Variants in F7 observed in about 807,000 individuals in gnomAD.
F7 encodes FVII coagulation protein.
Under a neutral mutation model 47.5 loss-of-function variants are expected in F7, and 38 were observed. That is an observed-to-expected ratio of 0.80 (90% CI 0.62 to 1.05). The LOEUF (loss-of-function observed/expected upper bound fraction) is 1.05. F7 is among the 50% of genes least tolerant of loss of function. The pLI is 0.00. For synonymous variants in F7, 244 were observed against 258.5 expected (o/e 0.94, Z 0.54); for missense variants, 575 against 605.4 (o/e 0.95, Z 0.53).
intron 5 of F7, among the ~76,000 whole-genome samples, chr13:113,116,348 A>G (rs187527219): frequency 7.5e-4 from 114 of 152,350 alleles, no homozygotes; most frequent in Admixed American, 5.3e-3. Context: ...TTTCTGGCCC[A>G]AGACCTTGAT....
At chr13:113,110,987 C>CGG in intron 2 of F7, 137 bp downstream of exon 2, 1 of 1,034,018 alleles carries the variant, frequency 9.7e-7, no homozygotes, top group African/African-American at 1.7e-5. Context: ...GCGCTTTCTG[C>CGG]GGGGGTCGCT....
Position 113,118,436 on chromosome 13 carries a change from G to T in F7, c.763G>T (p.Asp255Tyr), listed in dbSNP as rs550074221. 1.2e-6 allele frequency: 2 copies of T among 1,602,458 alleles called. No homozygotes were observed. Among genetic ancestry groups the T allele is most frequent in the Middle Eastern group, 1.7e-4 (1 of 6,042 alleles). The change falls in exon 8 of 8, where the codon GAC (aspartate) becomes TAC (tyrosine). Residue 255 changes from aspartate (D) to tyrosine (Y), a missense_variant. Asp to Tyr is a radical substitution (Grantham distance 160). Transcript: ENST00000346342. ...VLGEHDLSEHDGDEQSRRVAQ... is the reference protein window; with the variant it reads ...VLGEHDLSEHYGDEQSRRVAQ... ...AGGCGAGCACGACCTCAGCGAGCAC[G>T]ACGGGGATGAGCAGAGCCGGCGGGT... is the stretch of plus-strand genomic sequence containing the variant.
At chr13:113,106,899 G>T in intron 1 of F7, 1 of 1,605,396 alleles carries the variant, frequency 6.2e-7, no homozygotes, top group Non-Finnish European at 8.5e-7. Flanking sequence ...TGGAAGCCGG[G>T]GCCTCACAGA....
In F7 at chr13:113,120,047, A is replaced by G. The variant is rs2036277147; in HGVS notation, c.*1039A>G. 6.6e-6 allele frequency: 1 copy of G among 152,152 alleles called. No individual in the cohort carries two copies. The highest frequency in any genetic ancestry group is 2.1e-4 in the South Asian group (1 of 4,824). The allele number at this position is 152,152 out of a possible 1,614,324, so 9.4% of individuals were successfully genotyped here. On this transcript the variant is annotated 3_prime_UTR_variant, in exon 8 of 8. Transcript: ENST00000346342. The stretch of plus-strand genomic sequence containing the variant: ...CCTGCCACCCACTGGGTTGCCCATG[A>G]TTCATTTTTGGAGCCCCCGGTGCTC...
Position 113,118,861 on chromosome 13 carries a change from G to A in F7, c.1188G>A (p.Leu396=). The A allele has an allele frequency of 6.2e-7, 1 of 1,612,790 alleles. No individual in the cohort carries two copies. Among genetic ancestry groups the A allele is most frequent in the South Asian group, 1.1e-5 (1 of 91,060 alleles). The stretch of plus-strand genomic sequence containing the variant: ...CCCACTACCGGGGCACGTGGTACCT[G>A]ACGGGCATCGTCAGCTGGGGCCAGG... The part of the protein sequence containing the change: ...HATHYRGTWY[L]TGIVSWGQGC... The change falls in exon 8 of 8, where the codon CTG becomes CTA. Residue 396 remains leucine, a synonymous_variant. Transcript: ENST00000346342.
chr13:113,110,097 A>G (rs2036060092), intron 1 of F7, among the ~76,000 whole-genome samples: 1 of 151,894 alleles, frequency 6.6e-6, no homozygotes, highest in African/African-American at 2.4e-5. Context: ...CGGGGGACAG[A>G]GGGGCCCCAA....
rs2036254843 is a variant in F7, at chr13:113,119,095, G to T, written c.*87G>T. ...TCCCATATATTCTTCTGCAGTTAAT[G>T]GGGTAGAGGAGGGCATGGGAGGGAG... On this transcript the variant is annotated 3_prime_UTR_variant, in exon 8 of 8. Coordinates refer to ENST00000346342, the MANE Select transcript of F7 (RefSeq NM_019616.4). 1.6e-6 allele frequency: 2 copies of T among 1,250,198 alleles called. No homozygotes were observed. The highest frequency in any genetic ancestry group is 4.9e-5 in the East Asian group (2 of 41,096). The allele number at this position is 1,250,198 out of a possible 1,614,324, so 77.4% of individuals were successfully genotyped here.
chr13:113,110,178 GGGGGAGCC>G (rs2036061655), intron 1 of F7, among the ~76,000 whole-genome samples: 1 of 152,146 alleles, frequency 6.6e-6, no homozygotes, highest in Non-Finnish European at 1.5e-5. Flanking sequence ...GCTCGCTGTC[GGGGGAGCC>G]GGGCAGGGGC....
chr13:113,106,703 G>A lies in F7; in HGVS notation c.64+798G>A, dbSNP rs1293029731. The A allele has an allele frequency of 5.1e-5, 36 of 709,522 alleles. No homozygotes were observed. In the African/African-American group the frequency reaches 5.2e-4, roughly 10 times the overall value. 44.0% of individuals were successfully genotyped at this position (709,522 alleles called of 1,614,324 possible). A position where few individuals can be genotyped will look rare whatever the true frequency, so the allele number is the denominator to read the frequency against. ...GGGGATGGCGAGTAGGGGGTGTGGCGTGAGGATGGCTAGTGGGGCGTGGGG... is the reference window on the plus strand; with the variant it reads ...GGGGATGGCGAGTAGGGGGTGTGGCATGAGGATGGCTAGTGGGGCGTGGGG... On this transcript the variant is annotated intron_variant, in intron 1 of 7. Transcript: ENST00000346342.
At position 113,118,654 on chromosome 13, in the gene F7, C is replaced by T. The variant is rs574630461; in HGVS notation, c.981C>T (p.Asp327=). The change falls in exon 8 of 8, where the codon GAC becomes GAT. Residue 327 remains aspartate (D), a synonymous_variant. Transcript: ENST00000346342. ...SLVSGWGQLL[D]RGATALELMV... is the part of the protein sequence containing the mutation. ...TCAGCGGCTGGGGCCAGCTGCTGGA[C>T]CGTGGCGCCACGGCCCTGGAGCTCA... 4.3e-6 allele frequency: 7 copies of T among 1,612,738 alleles called. No individual in the cohort carries two copies. The highest frequency in any genetic ancestry group is 2.2e-5 in the South Asian group (2 of 91,070).
intron 5 of F7, 121 bp downstream of exon 5, chr13:113,115,921 G>T: frequency 7.2e-7 from 1 of 1,395,832 alleles, no homozygotes. Context: ...ACTATGCACT[G>T]ACCAATTGTG....
In F7 at chr13:113,110,695, G is replaced by C; in HGVS notation, c.70G>C (p.Val24Leu). ...ACGGAACTCGCATTTCCCAGTCTTC[G>C]TAACCCAGGAGGAAGCCCACGGCGT... ...GLQGCLAAVFVTQEEAHGVLH... is the reference protein window; with the variant it reads ...GLQGCLAAVFLTQEEAHGVLH... The change falls in exon 2 of 8, where the codon GTA becomes CTA. Residue 24 changes from valine (V) to leucine (L), a missense_variant. Physicochemically the swap from Val to Leu is conservative, Grantham distance 32. Transcript: ENST00000346342. The C allele has an allele frequency of 6.5e-7, 1 of 1,548,358 alleles. No individual in the cohort carries two copies. The highest frequency in any genetic ancestry group is 8.7e-7 in the Non-Finnish European group (1 of 1,146,440).
intron 2 of F7, among the ~76,000 whole-genome samples, chr13:113,111,731 A>ACACT (rs752729839): frequency 6.4e-5 from 2 of 31,378 alleles, no homozygotes; most frequent in African/African-American, 3.2e-4. Context: ...AGGACACCTC[A>ACACT]CACAGGGCAC....
chr13:113,117,140 C>CGGT, intron 6 of F7: 1 of 609,868 alleles, frequency 1.6e-6, no homozygotes, highest in Non-Finnish European at 2.9e-6. Flanking sequence ...GTCGTCCTCA[C>CGGT]GGTTACTCTT....
chr13:113,118,245 G>T (rs2036231241), intron 7 of F7, among the ~76,000 whole-genome samples, 168 bp from the exon 8 acceptor site: 1 of 152,224 alleles, frequency 6.6e-6, no homozygotes, highest in Non-Finnish European at 1.5e-5. Context: ...GCCACAGGCT[G>T]CCACCTGGGG....
chr13:113,106,563 GCA>G (rs2035960961), intron 1 of F7, among the ~76,000 whole-genome samples: 1 of 55,464 alleles, frequency 1.8e-5, no homozygotes, highest in Admixed American at 1.6e-4. Flanking sequence ...CGGGGATGGG[GCA>G]TGTGGGGTGT....
At position 113,116,702 on chromosome 13, in the gene F7, C is replaced by A. The variant is rs573412684; in HGVS notation, c.506-64C>A. 40 of 1,306,102 alleles carry A rather than the reference C, an allele frequency of 3.1e-5. No homozygotes were observed. In the South Asian group the frequency reaches 3.3e-4, roughly 11 times the overall value. The allele number at this position is 1,306,102 out of a possible 1,614,324, so 80.9% of individuals were successfully genotyped here. A position where few individuals can be genotyped will look rare whatever the true frequency, so the allele number is the denominator to read the frequency against. On this transcript the variant is annotated intron_variant, in intron 5 of 7. Transcript: ENST00000346342. ...TCTCAGAGGATGGGTGTTTCTGAATCTTTCCTAGTGGCACGTTCATCCCTC... is the reference window on the plus strand; with the variant it reads ...TCTCAGAGGATGGGTGTTTCTGAATATTTCCTAGTGGCACGTTCATCCCTC...
chr13:113,110,538 G>T (rs1352732599), intron 1 of F7, 152 bp from the exon 2 acceptor site: 1 of 1,015,930 alleles, frequency 9.8e-7, no homozygotes, highest in African/African-American at 1.6e-5. Context: ...GCACGGCAGG[G>T]AGGACACCCA....
chr13:113,116,971 GC>G, intron 6 of F7, 96 bp downstream of exon 6: 1 of 1,004,760 alleles, frequency 1.0e-6, no homozygotes, highest in Non-Finnish European at 1.6e-6. Flanking sequence ...GGGCAGGTCA[GC>G]CCCAAGCCCA....
Sources: allele counts gnomAD v4.1 joint callset (sites outside exome capture counted in the v4.1 genomes callset), GRCh38; gene constraint gnomAD v4.1.1; transcripts MANE v1.5; gene names NCBI Gene and HGNC (gene_info 2026-07-23, HGNC 2026-07-21).